The following TUSC3 variants were observed in gnomAD, a reference collection of about 807,000 sequenced individuals.
The protein encoded by TUSC3 is tumor suppressor candidate 3, also known as dolichyl-diphosphooligosaccharide--protein glycosyltransferase subunit TUSC3.
TUSC3 carries 45 observed loss-of-function variants against 44.8 expected under a neutral mutation model. The ratio of observed to expected loss-of-function variants is 1.00; its 90% CI spans 0.79 to 1.29. TUSC3 has a LOEUF of 1.29. Among genes scored for constraint, TUSC3 ranks in the 50% most tolerant of loss-of-function variants. The pLI is 0.00. For synonymous variants in TUSC3, 212 were observed against 152.9 expected, an observed-to-expected ratio of 1.39 and a Z score of -2.85; for missense variants, 519 against 437.9, an observed-to-expected ratio of 1.19 and a Z score of -1.65.
chr8:15,425,325 G>C (rs528755357), intron 1 of TUSC3, among the ~76,000 whole-genome samples: 1 of 152,108 alleles, frequency 6.6e-6, no homozygotes, highest in Admixed American at 6.5e-5. Flanking sequence ...ATTCTTTTTC[G>C]CCCTTAAGAA....
chr8:15,779,010 A>C, the TUSC3 span, among the ~76,000 whole-genome samples: 1 of 152,128 alleles, frequency 6.6e-6, no homozygotes, highest in Non-Finnish European at 1.5e-5. Context: ...ATTCCTCAGC[A>C]CTAGGACTGG....
chr8:15,756,584 A>G (rs1305547440), intron 9 of TUSC3, among the ~76,000 whole-genome samples: 7 of 152,142 alleles, frequency 4.6e-5, no homozygotes, highest in African/African-American at 4.8e-5. Flanking sequence ...AACCTTTTAT[A>G]TATCTCCAAA....
chr8:15,806,481 C>T, the TUSC3 span: 14 of 939,002 alleles, frequency 1.5e-5, no homozygotes, highest in South Asian at 2.6e-5. Flanking sequence ...AAACAGGTGT[C>T]GACTATTTCA....
At chr8:15,753,347 T>G (rs532615575) in intron 9 of TUSC3, among the ~76,000 whole-genome samples, 1 of 152,162 alleles carries the variant, frequency 6.6e-6, no homozygotes, top group East Asian at 1.9e-4. Flanking sequence ...CTGTAAATTG[T>G]TCAGCAAGCT....
At chr8:15,623,763 C>G (rs1176054861) in intron 2 of TUSC3, among the ~76,000 whole-genome samples, 3 of 152,034 alleles carry the variant, frequency 2.0e-5, no homozygotes, top group Non-Finnish European at 2.9e-5. Flanking sequence ...ATACAACAAA[C>G]ACTTTTTTAA....
intron 2 of TUSC3, among the ~76,000 whole-genome samples, chr8:15,626,493 G>A (rs751534353): frequency 6.6e-6 from 1 of 152,232 alleles, no homozygotes; most frequent in African/African-American, 2.4e-5. Flanking sequence ...CTGTGGACCA[G>A]TATATCCGTG....
intron 1 of TUSC3, among the ~76,000 whole-genome samples, chr8:15,462,660 T>C (rs2129122045): frequency 6.6e-6 from 1 of 152,212 alleles, no homozygotes; most frequent in East Asian, 1.9e-4. Flanking sequence ...AAAAAGTTGG[T>C]TCGCAGGCAT....
rs530661869 is a variant in TUSC3, at chr8:15,463,106, C to G, written n.92-20280C>G. Reference sequence around the variant, plus strand: ...CTTTTGCCTCTCTGTGTCTCTCTCTCTGTTTTTCTGGTTTACAGACATTTA... The same window carrying G: ...CTTTTGCCTCTCTGTGTCTCTCTCTGTGTTTTTCTGGTTTACAGACATTTA... On this transcript the variant is annotated intron_variant and non_coding_transcript_variant, in intron 1 of 5. Coordinates refer to the TUSC3 transcript ENST00000503191. Among the ~76,000 whole-genome samples, 4 of 152,022 alleles carry G rather than the reference C, an allele frequency of 2.6e-5. 1 individual carries two copies. In the South Asian group the frequency reaches 8.3e-4, roughly 32 times the overall value.
At chr8:15,613,564 T>C (rs887694740) in intron 1 of TUSC3, among the ~76,000 whole-genome samples, 1 of 152,278 alleles carries the variant, frequency 6.6e-6, no homozygotes, top group South Asian at 2.1e-4. Context: ...TGTTAAGATG[T>C]CCCTTTGCTG....
At chr8:15,697,691 T>C (rs934096336) in intron 6 of TUSC3, among the ~76,000 whole-genome samples, 14 of 152,230 alleles carry the variant, frequency 9.2e-5, no homozygotes, top group African/African-American at 3.4e-4. Flanking sequence ...GTACATTTTA[T>C]TATCTGTTTA....
At chr8:15,476,437 A>G (rs1800575989) in intron 1 of TUSC3, among the ~76,000 whole-genome samples, 2 of 152,216 alleles carry the variant, frequency 1.3e-5, no homozygotes, top group Non-Finnish European at 2.9e-5. Context: ...TTCTAAGAAC[A>G]TAGTAGCTAC....
chr8:15,737,241 C>A (rs1277448919), intron 7 of TUSC3, among the ~76,000 whole-genome samples: 1 of 151,986 alleles, frequency 6.6e-6, no homozygotes. Context: ...AGTAAGTCTT[C>A]TATAATGTGC....
chr8:15,838,013 T>C, the TUSC3 span, among the ~76,000 whole-genome samples: 1 of 152,222 alleles, frequency 6.6e-6, no homozygotes, highest in African/African-American at 2.4e-5. Flanking sequence ...TATTCTCTTA[T>C]GCTTTACTTC....
chr8:15,441,701 T>TA (rs1800022007), intron 1 of TUSC3, among the ~76,000 whole-genome samples: 1 of 152,110 alleles, frequency 6.6e-6, no homozygotes, highest in Non-Finnish European at 1.5e-5. Flanking sequence ...TGAAGAAGTG[T>TA]AAAAAATACT....
At chr8:15,660,756 G>GCAAT (rs1807385779) in intron 4 of TUSC3, among the ~76,000 whole-genome samples, 1 of 151,542 alleles carries the variant, frequency 6.6e-6, no homozygotes, top group Non-Finnish European at 1.5e-5. Context: ...ATTTTGTTAT[G>GCAAT]CAATGTATCA....
chr8:15,536,988 G>A (rs1304489089), upstream of TUSC3, among the ~76,000 whole-genome samples: 1 of 151,994 alleles, frequency 6.6e-6, no homozygotes, highest in Non-Finnish European at 1.5e-5. Context: ...CCTTGAAATT[G>A]CCCTGCAAAG....
At chr8:15,437,146 T>A (rs563555806) in intron 1 of TUSC3, among the ~76,000 whole-genome samples, 112 of 152,284 alleles carry the variant, frequency 7.4e-4, no homozygotes, top group African/African-American at 2.6e-3. Flanking sequence ...CCCTAAAATA[T>A]AACTAATCAT....
At chr8:15,473,842 T>C (rs927328776) in intron 1 of TUSC3, among the ~76,000 whole-genome samples, 1 of 152,176 alleles carries the variant, frequency 6.6e-6, no homozygotes, top group Non-Finnish European at 1.5e-5. Context: ...TGTGCACATA[T>C]TGTCTTGATA....
intron 1 of TUSC3, among the ~76,000 whole-genome samples, chr8:15,479,727 C>T (rs1000828677): frequency 1.3e-5 from 2 of 152,166 alleles, no homozygotes; most frequent in South Asian, 4.1e-4. Context: ...ATGCCTCCAG[C>T]TTTGTTCTTT....
Sources: allele counts gnomAD v4.1 joint callset (sites outside exome capture counted in the v4.1 genomes callset), GRCh38; gene constraint gnomAD v4.1.1; transcripts MANE v1.5; gene names NCBI Gene and HGNC (gene_info 2026-07-23, HGNC 2026-07-21).